GLRX3: variants seen among roughly 807,000 people sequenced by gnomAD.
GLRX3 encodes glutaredoxin 3.
GLRX3 carries 22 observed loss-of-function variants against 49.5 expected under a neutral mutation model. The observed-to-expected ratio is 0.44, with a 90% CI of 0.32 to 0.63. The LOEUF (loss-of-function observed/expected upper bound fraction) is 0.63. GLRX3 is among the 30% of genes least tolerant of loss of function. GLRX3 has a pLI of 0.05. For missense variants in GLRX3, 385 were observed against 396.3 expected (o/e 0.97, Z 0.24); for synonymous variants, 133 against 140.0 (o/e 0.95, Z 0.35).
intron 3 of GLRX3, 63 bp downstream of exon 3, chr10:130,160,132 G>C: frequency 1.0e-6 from 1 of 963,860 alleles, no homozygotes; most frequent in South Asian, 1.3e-5. Flanking sequence ...TACCTATTTT[G>C]TTTCTTTACC....
intron 8 of GLRX3, among the ~76,000 whole-genome samples, chr10:130,172,201 A>G (rs547882307): frequency 6.6e-6 from 1 of 152,334 alleles, no homozygotes; most frequent in South Asian, 2.1e-4. Flanking sequence ...AGGAAAATGT[A>G]TAACTGAGTC....
At chr10:130,171,706 C>G (rs927259398) in intron 8 of GLRX3, 70 bp downstream of exon 8, 11 of 868,372 alleles carry the variant, frequency 1.3e-5, no homozygotes, top group Non-Finnish European at 2.0e-5. Context: ...TGGCTCACGT[C>G]TATAATCCTA....
intron 2 of GLRX3, among the ~76,000 whole-genome samples, chr10:130,149,956 G>T (rs1177915938): frequency 2.0e-5 from 3 of 149,884 alleles, no homozygotes; most frequent in African/African-American, 7.3e-5. Context: ...AAAAAAAATA[G>T]GGCCGGGCAT....
intron 10 of GLRX3, among the ~76,000 whole-genome samples, chr10:130,178,233 C>T (rs527693614): frequency 4.6e-5 from 7 of 152,196 alleles, no homozygotes; most frequent in South Asian, 4.1e-4. Context: ...AGACTTTTAA[C>T]GTCACACTGC....
chr10:130,146,081 A>G (rs916553017), intron 2 of GLRX3, among the ~76,000 whole-genome samples: 7 of 151,950 alleles, frequency 4.6e-5, no homozygotes, highest in African/African-American at 1.5e-4. Flanking sequence ...GTGAGCCACC[A>G]CGCCTGGCCA....
At chr10:130,143,471 AAACT>A (rs779365191) in intron 1 of GLRX3, among the ~76,000 whole-genome samples, 15 of 152,296 alleles carry the variant, frequency 9.8e-5, no homozygotes, top group South Asian at 2.1e-4. Flanking sequence ...TTTTGTGTGA[AAACT>A]AACTAAAATA....
In GLRX3 at chr10:130,160,871, A is replaced by G. The variant is rs764575266; in HGVS notation, c.352A>G (p.Ser118Gly). The part of the protein sequence containing the change: ...LTKKVQRHAS[S>G]GSFLPSANEH... ...CAAAAAAGTTCAGCGACATGCATCTAGTGGCTCCTTCCTACCCAGCGCTAA... is the reference window on the plus strand; with the variant it reads ...CAAAAAAGTTCAGCGACATGCATCTGGTGGCTCCTTCCTACCCAGCGCTAA... Residue 118 changes from serine (S) to glycine (G), a missense_variant, in exon 4 of 11, where the codon AGT becomes GGT. Transcript: ENST00000331244. 2.5e-5 allele frequency: 40 copies of G among 1,609,892 alleles called. No individual in the cohort carries two copies. The highest frequency in any genetic ancestry group is 3.2e-5 in the Non-Finnish European group (38 of 1,176,250).
chr10:130,137,298 G>C (rs535580406), intron 1 of GLRX3, among the ~76,000 whole-genome samples: 81 of 152,324 alleles, frequency 5.3e-4, no homozygotes, highest in African/African-American at 1.9e-3. Context: ...TGGACTAGAA[G>C]CTCTGAACTG....
intron 2 of GLRX3, among the ~76,000 whole-genome samples, chr10:130,154,241 T>C (rs1263627373): frequency 6.6e-6 from 1 of 152,180 alleles, no homozygotes; most frequent in African/African-American, 2.4e-5. Context: ...CAATCACTCA[T>C]GGCTTCCCTT....
At chr10:130,167,608 T>C (rs892172498) in intron 6 of GLRX3, among the ~76,000 whole-genome samples, 1 of 152,228 alleles carries the variant, frequency 6.6e-6, no homozygotes. Flanking sequence ...AAAATTAATA[T>C]AGAACTTTAA....
At chr10:130,168,527 C>G (rs966617863) in intron 6 of GLRX3, among the ~76,000 whole-genome samples, 10 of 152,192 alleles carry the variant, frequency 6.6e-5, no homozygotes, top group Non-Finnish European at 1.2e-4. Flanking sequence ...TCACTGCAAG[C>G]TCCGCCTCCC....
At position 130,167,534 on chromosome 10, in the gene GLRX3, C is replaced by T. The variant is rs77645627; in HGVS notation, c.713+554C>T. 7.7e-3 allele frequency among the ~76,000 whole-genome samples: 1,173 copies of T among 152,210 alleles called. 19 individuals are homozygous for T. The highest frequency in any genetic ancestry group is 0.026 in the African/African-American group (1,077 of 41,536). On this transcript the variant is annotated intron_variant, in intron 6 of 10. Coordinates refer to ENST00000331244, the MANE Select transcript of GLRX3 (RefSeq NM_006541.5). Reference sequence around the variant, plus strand: ...AAGGATCTCACTTGGCTTTTAGAGACGTTCTCTTACAGAAATGTTGGACTT... The same window carrying T: ...AAGGATCTCACTTGGCTTTTAGAGATGTTCTCTTACAGAAATGTTGGACTT...
chr10:130,167,562 G>A (rs1862717146), intron 6 of GLRX3, among the ~76,000 whole-genome samples: 2 of 152,152 alleles, frequency 1.3e-5, no homozygotes, highest in East Asian at 1.9e-4. Flanking sequence ...TTGGACTTTG[G>A]TGTGTAAGGC....
intron 2 of GLRX3, 70 bp from the exon 3 acceptor site, chr10:130,159,925 A>C: frequency 7.9e-7 from 1 of 1,271,150 alleles, no homozygotes; most frequent in Non-Finnish European, 1.1e-6. Context: ...TGCATGTGAA[A>C]CTGATTTACA....
At chr10:130,136,622 C>T (rs956039122) in intron 1 of GLRX3, 110 bp downstream of exon 1, 14 of 1,198,394 alleles carry the variant, frequency 1.2e-5, no homozygotes, top group South Asian at 4.3e-5. Context: ...GTGCCCGGCT[C>T]CCTTCGGCCT....
intron 5 of GLRX3, 45 bp downstream of exon 5, chr10:130,166,724 A>G: frequency 7.7e-7 from 1 of 1,298,162 alleles, no homozygotes; most frequent in South Asian, 1.3e-5. Flanking sequence ...TTCCATTTAG[A>G]GCATACTTTT....
At chr10:130,153,944 T>G (rs1019158869) in intron 2 of GLRX3, among the ~76,000 whole-genome samples, 4 of 152,212 alleles carry the variant, frequency 2.6e-5, no homozygotes, top group Non-Finnish European at 4.4e-5. Flanking sequence ...GTGGTGGGCT[T>G]CACCCAGTTT....
At chr10:130,163,168 T>C (rs1862609077) in intron 4 of GLRX3, among the ~76,000 whole-genome samples, 1 of 152,222 alleles carries the variant, frequency 6.6e-6, no homozygotes, top group Admixed American at 6.5e-5. Context: ...CTCATGCCTG[T>C]AATCCCAGCA....
In GLRX3 at chr10:130,158,692, G is replaced by C. The variant is rs373604270; in HGVS notation, c.202-1303G>C. On this transcript the variant is annotated intron_variant, in intron 2 of 10. Coordinates refer to ENST00000331244, the MANE Select transcript of GLRX3 (RefSeq NM_006541.5). ...TCATCTTTGATCTGAGTGTGCTGTT[G>C]TGTATGTGAAAGAAAATAACACAAA... 3.9e-5 allele frequency among the ~76,000 whole-genome samples: 6 copies of C among 152,258 alleles called. No individual in the cohort carries two copies. In the East Asian group the frequency reaches 5.8e-4, roughly 15 times the overall value.
Sources: allele counts gnomAD v4.1 joint callset (sites outside exome capture counted in the v4.1 genomes callset), GRCh38; gene constraint gnomAD v4.1.1; transcripts MANE v1.5; gene names NCBI Gene and HGNC (gene_info 2026-07-23, HGNC 2026-07-21).